Variants in STAMBP observed in about 807,000 individuals in gnomAD.
STAMBP encodes the protein STAM binding protein.
STAMBP carries 31 observed loss-of-function variants against 50.7 expected under a neutral mutation model. The ratio of observed to expected loss-of-function variants is 0.61; its 90% CI spans 0.46 to 0.83. The LOEUF (loss-of-function observed/expected upper bound fraction) is 0.83, where lower values mean the gene tolerates loss of function less well. STAMBP is among the 40% of genes least tolerant of loss of function. The pLI, the probability that STAMBP is intolerant of heterozygous loss-of-function variation, is 0.00. For synonymous variants in STAMBP, 211 were observed against 192.4 expected, an observed-to-expected ratio of 1.10 and a Z score of -0.80; for missense variants, 472 against 518.9, an observed-to-expected ratio of 0.91 and a Z score of 0.88.
intron 2 of STAMBP, among the ~76,000 whole-genome samples, chr2:73,838,859 C>G (rs1032779615): frequency 6.6e-6 from 1 of 152,170 alleles, no homozygotes; most frequent in Non-Finnish European, 1.5e-5. Flanking sequence ...GCTACCTTCA[C>G]TTTTCTTGGA....
intron 2 of STAMBP, 106 bp downstream of exon 2, chr2:73,831,165 C>T (rs1438326197): frequency 3.3e-6 from 3 of 921,752 alleles, no homozygotes; most frequent in Non-Finnish European, 5.1e-6. Flanking sequence ...CAACATTAAT[C>T]ATTTTTGCTG....
At chr2:73,832,678 T>G (rs1674119531) in intron 2 of STAMBP, among the ~76,000 whole-genome samples, 1 of 152,204 alleles carries the variant, frequency 6.6e-6, no homozygotes, top group Non-Finnish European at 1.5e-5. Flanking sequence ...AATCATTATT[T>G]GTGGTGGGAG....
At chr2:73,868,055 C>T (rs1573432818), downstream of STAMBP, among the ~76,000 whole-genome samples, 3 of 146,940 alleles carry the variant, frequency 2.0e-5, no homozygotes, top group East Asian at 4.1e-4. Context: ...GCTCAGGAGG[C>T]GGAGGTTGTG....
chr2:73,839,876 A>G (rs1328981034), intron 2 of STAMBP, among the ~76,000 whole-genome samples: 1 of 152,184 alleles, frequency 6.6e-6, no homozygotes, highest in Non-Finnish European at 1.5e-5. Context: ...ATATCAGGAC[A>G]TACTGAGCCA....
chr2:73,831,090 C>T, intron 2 of STAMBP, 31 bp downstream of exon 2: 1 of 1,566,366 alleles, frequency 6.4e-7, no homozygotes, highest in Non-Finnish European at 8.8e-7. Context: ...TTTTTCCTTT[C>T]TGGTGACTGG....
At chr2:73,855,668 T>C (rs540564068) in intron 7 of STAMBP, 11 of 455,958 alleles carry the variant, frequency 2.4e-5, no homozygotes, top group Non-Finnish European at 4.8e-5. Flanking sequence ...CCATGAAGAC[T>C]TGTGTGTGGA....
chr2:73,858,192 GAC>G (rs1677828412), intron 7 of STAMBP, among the ~76,000 whole-genome samples: 1 of 124,432 alleles, frequency 8.0e-6, no homozygotes. Flanking sequence ...TTTTAGTAGA[GAC>G]AGGGTTTCAC....
intron 5 of STAMBP, 28 bp from the exon 6 acceptor site, chr2:73,849,335 G>A (rs774223291): frequency 6.2e-6 from 10 of 1,612,322 alleles, no homozygotes; most frequent in Admixed American, 1.7e-5. Context: ...CTCAGTGGTC[G>A]CAGACTATTC....
At position 73,866,928 on chromosome 2, in the gene STAMBP, G is replaced by C. The variant is rs1298735380; in HGVS notation, c.*4669G>C. 1 of 152,278 alleles carries C rather than the reference G, an allele frequency of 6.6e-6. No homozygotes were observed. The highest frequency in any genetic ancestry group is 1.5e-5 in the Non-Finnish European group (1 of 68,096). 9.4% of individuals were successfully genotyped at this position (152,278 alleles called of 1,614,324 possible). ...AGCCCATGAGATCTGGTGGTTAGCA[G>C]AGGCCTTTCCTGACAACCCCATTTT... On this transcript the variant is annotated 3_prime_UTR_variant, in exon 10 of 10. Transcript: ENST00000394070.
rs923077322 is a variant in STAMBP at position 73,862,407 on chromosome 2, G to C, written c.*148G>C. On this transcript the variant is annotated 3_prime_UTR_variant, in exon 10 of 10. Transcript: ENST00000394070. Reference sequence around the variant, plus strand: ...GAGAAAGAGCTGATTTTGTATTTCAGGTTTGAAAAGAAATAACTGAACATA... The same window carrying C: ...GAGAAAGAGCTGATTTTGTATTTCACGTTTGAAAAGAAATAACTGAACATA... The C allele has an allele frequency of 3.7e-6, 2 of 538,186 alleles. No individual in the cohort carries two copies. Among genetic ancestry groups the C allele is most frequent in the African/African-American group, 2.0e-5 (1 of 51,020 alleles). 33.3% of individuals were successfully genotyped at this position (538,186 alleles called of 1,614,324 possible).
chr2:73,840,313 G>GTTT (rs57827239), intron 2 of STAMBP, among the ~76,000 whole-genome samples: 2,105 of 115,582 alleles, frequency 0.018, 36 homozygotes, highest in South Asian at 0.03. Flanking sequence ...TTAGGGGTTT[G>GTTT]TTTTTTTTTT....
chr2:73,864,949 GA>G lies in STAMBP; in HGVS notation c.*2693del, dbSNP rs913008224. 1.3e-5 allele frequency: 2 copies of G among 152,210 alleles called. No homozygotes were observed. Among genetic ancestry groups the G allele is most frequent in the Admixed American group, 6.5e-5 (1 of 15,280 alleles). The allele number at this position is 152,210 out of a possible 1,614,324, so 9.4% of individuals were successfully genotyped here. On this transcript the variant is annotated 3_prime_UTR_variant, in exon 10 of 10. Transcript: ENST00000394070. ...AAATGGGACCAAAGGGGAAGAAGAA[GA>G]AACCCTTAAGCTTTTGTAATATTGT...
chr2:73,832,104 T>TACAC (rs1454174055), intron 2 of STAMBP, among the ~76,000 whole-genome samples: 3 of 128,236 alleles, frequency 2.3e-5, no homozygotes, highest in African/African-American at 1.0e-4. Context: ...TATATATATA[T>TACAC]ATATACACAT....
chr2:73,870,323 G>A (rs143788342), downstream of STAMBP: 1,003 of 152,362 alleles, frequency 6.6e-3, 9 homozygotes, highest in South Asian at 0.027. Flanking sequence ...CTTGCTGCAA[G>A]AACTAGCAGA....
At chr2:73,871,718 A>G (rs1367891249), downstream of STAMBP, among the ~76,000 whole-genome samples, 4 of 152,180 alleles carry the variant, frequency 2.6e-5, no homozygotes, top group African/African-American at 9.7e-5. Flanking sequence ...TCAATGAGGT[A>G]GCTTTGACAG....
chr2:73,868,890 A>G (rs1679079652), downstream of STAMBP, among the ~76,000 whole-genome samples: 1 of 152,176 alleles, frequency 6.6e-6, no homozygotes, highest in African/African-American at 2.4e-5. Flanking sequence ...AAAAGAAAAA[A>G]AAAGAAAGCA....
Position 73,862,378 on chromosome 2 carries a change from A to G in STAMBP, c.*119A>G, listed in dbSNP as rs949966481. The G allele has an allele frequency of 2.8e-6, 2 of 703,788 alleles. No homozygotes were observed. Among genetic ancestry groups the G allele is most frequent in the Non-Finnish European group, 2.1e-6 (1 of 466,864 alleles). 43.6% of individuals were successfully genotyped at this position (703,788 alleles called of 1,614,324 possible). On this transcript the variant is annotated 3_prime_UTR_variant, in exon 10 of 10. Transcript: ENST00000394070. ...TGTAGATAGTAGAAAGGGGGGCATC[A>G]CCTGAGAAAGAGCTGATTTTGTATT...
In STAMBP at chr2:73,862,410, T is replaced by C; in HGVS notation, c.*151T>C. The C allele has an allele frequency of 1.9e-6, 1 of 538,076 alleles. No homozygotes were observed. The highest frequency in any genetic ancestry group is 3.1e-6 in the Non-Finnish European group (1 of 326,264). 33.3% of individuals were successfully genotyped at this position (538,076 alleles called of 1,614,324 possible). A position where few individuals can be genotyped will look rare whatever the true frequency, so the allele number is the denominator to read the frequency against. On this transcript the variant is annotated 3_prime_UTR_variant, in exon 10 of 10. Transcript: ENST00000394070. The stretch of plus-strand genomic sequence containing the variant: ...AAAGAGCTGATTTTGTATTTCAGGT[T>C]TGAAAAGAAATAACTGAACATATTT...
chr2:73,861,956 G>A (rs908958760), intron 9 of STAMBP, among the ~76,000 whole-genome samples: 2 of 152,018 alleles, frequency 1.3e-5, no homozygotes, highest in Non-Finnish European at 2.9e-5. Context: ...TGACCAACAT[G>A]GCGAAACCCC....
Sources: gnomAD v4.1 joint callset for allele counts (sites outside exome capture counted in the v4.1 genomes callset) on GRCh38, gnomAD v4.1.1 for gene constraint, MANE v1.5 for transcripts, NCBI Gene and HGNC (gene_info 2026-07-23, HGNC 2026-07-21) for gene names.